The following FSTL4 variants were observed in gnomAD, a reference collection of about 807,000 sequenced individuals.
FSTL4 encodes the protein follistatin-related protein 4.
Under a neutral mutation model 78.2 loss-of-function variants are expected in FSTL4, and 28 were observed. The ratio of observed to expected loss-of-function variants is 0.36; its 90% CI spans 0.27 to 0.49. The LOEUF (loss-of-function observed/expected upper bound fraction) is 0.49, where lower values mean the gene tolerates loss of function less well. Among genes scored for constraint, FSTL4 ranks in the 20% least tolerant of loss-of-function variants. The probability of loss-of-function intolerance (pLI) is 0.98; values close to 1 mark genes in which losing one functional copy is unlikely to be tolerated. For synonymous variants in FSTL4, 422 were observed against 440.5 expected, an observed-to-expected ratio of 0.96 and a Z score of 0.53; for missense variants, 922 against 1,084.9, an observed-to-expected ratio of 0.85 and a Z score of 2.11.
chr5:133,491,246 T>A (rs947853699), intron 3 of FSTL4, among the ~76,000 whole-genome samples: 2 of 152,222 alleles, frequency 1.3e-5, no homozygotes, highest in Admixed American at 1.3e-4. Flanking sequence ...AGGCTTTGCA[T>A]TATGTCTGTT....
At chr5:133,624,556 T>A in the FSTL4 span, among the ~76,000 whole-genome samples, 1 of 151,822 alleles carries the variant, frequency 6.6e-6, no homozygotes, top group African/African-American at 2.4e-5. Flanking sequence ...GTCACTGATT[T>A]GTTCATTTTA....
At position 133,535,833 on chromosome 5, in the gene FSTL4, G is replaced by A. The variant is rs115750094; in HGVS notation, c.160+31353C>T. On this transcript the variant is annotated intron_variant, in intron 3 of 15. Transcript: ENST00000265342. ...ATAGAAATTGGGTTAGAAATTATGG[G>A]ATTTTCTTTGGTGGACTGAAGGAAG... Among the ~76,000 whole-genome samples the A allele has an allele frequency of 2.0e-3, 308 of 152,284 alleles. 1 individual carries two copies. The highest frequency in any genetic ancestry group is 0.01 in the Middle Eastern group (3 of 294).
chr5:133,634,144 C>A, the FSTL4 span, among the ~76,000 whole-genome samples: 7 of 152,236 alleles, frequency 4.6e-5, no homozygotes, highest in Non-Finnish European at 7.4e-5. Flanking sequence ...GGGTCAAAAC[C>A]AAACTCCCTA....
At chr5:133,290,666 G>C (rs1487862436) in intron 6 of FSTL4, among the ~76,000 whole-genome samples, 1 of 152,224 alleles carries the variant, frequency 6.6e-6, no homozygotes, top group African/African-American at 2.4e-5. Flanking sequence ...CCACAGCAGA[G>C]GGTGGCATGT....
At chr5:133,458,141 T>C (rs1038000301) in intron 3 of FSTL4, 7 of 152,186 alleles carry the variant, frequency 4.6e-5, no homozygotes, top group Non-Finnish European at 1.0e-4. Context: ...AAATGTATTT[T>C]AAGATCAAAA....
rs186759779 is a variant in FSTL4 at position 133,241,421 on chromosome 5, A to G, written c.895-7884T>C. 1.8e-3 allele frequency among the ~76,000 whole-genome samples: 274 copies of G among 152,322 alleles called. 1 individual carries two copies. Among genetic ancestry groups the G allele is most frequent in the Non-Finnish European group, 2.8e-3 (191 of 68,032 alleles). On this transcript the variant is annotated intron_variant, in intron 7 of 15. Transcript: ENST00000265342. ...TGGTATGCGTGTTGAAATTGCGTAT[A>G]GGGACAAACCTGATTATCTGGGTAT...
chr5:133,738,992 T>C, the FSTL4 span, among the ~76,000 whole-genome samples: 1 of 152,248 alleles, frequency 6.6e-6, no homozygotes. Flanking sequence ...TGGGCCTTAC[T>C]AGGCTGGGGT....
At chr5:133,364,278 G>A (rs1561687527) in intron 4 of FSTL4, among the ~76,000 whole-genome samples, 1 of 152,086 alleles carries the variant, frequency 6.6e-6, no homozygotes, top group Middle Eastern at 3.4e-3. Flanking sequence ...ACTAAAGCCC[G>A]GTTCTGTTGG....
chr5:133,208,847 T>C (rs915300891), intron 14 of FSTL4, among the ~76,000 whole-genome samples: 1 of 152,166 alleles, frequency 6.6e-6, no homozygotes. Flanking sequence ...AGTTTGGTAT[T>C]TTTAGTAGAG....
chr5:133,434,472 T>C (rs1253528659), intron 3 of FSTL4, among the ~76,000 whole-genome samples: 1 of 152,146 alleles, frequency 6.6e-6, no homozygotes, highest in Admixed American at 6.5e-5. Flanking sequence ...CTGAATAATA[T>C]CTCATCATAT....
At chr5:133,273,671 C>G (rs1040758606) in intron 6 of FSTL4, among the ~76,000 whole-genome samples, 3 of 152,182 alleles carry the variant, frequency 2.0e-5, no homozygotes, top group African/African-American at 7.2e-5. Context: ...AGGCCCCAGG[C>G]TGGTGGAAAG....
At chr5:133,522,457 A>G (rs981313135) in intron 3 of FSTL4, among the ~76,000 whole-genome samples, 9 of 152,322 alleles carry the variant, frequency 5.9e-5, no homozygotes, top group Non-Finnish European at 1.2e-4. Flanking sequence ...ACCTTTTCTC[A>G]TAGCATTATT....
intron 14 of FSTL4, among the ~76,000 whole-genome samples, chr5:133,209,304 C>T (rs966486345): frequency 6.6e-6 from 1 of 152,046 alleles, no homozygotes; most frequent in African/African-American, 2.4e-5. Flanking sequence ...TTCTCCAGAC[C>T]CTGGTCTTTC....
At chr5:133,576,781 T>C (rs1760291531) in intron 2 of FSTL4, among the ~76,000 whole-genome samples, 2 of 152,210 alleles carry the variant, frequency 1.3e-5, no homozygotes, top group South Asian at 4.1e-4. Context: ...AGCTTTGCCA[T>C]GGGATTCATC....
chr5:133,676,920 A>G, the FSTL4 span, among the ~76,000 whole-genome samples: 1 of 152,206 alleles, frequency 6.6e-6, no homozygotes, highest in Non-Finnish European at 1.5e-5. Context: ...TTCCACCACG[A>G]GGGTTTTAAT....
the FSTL4 span, among the ~76,000 whole-genome samples, chr5:133,807,220 T>C: frequency 6.6e-6 from 1 of 152,222 alleles, no homozygotes; most frequent in African/African-American, 2.4e-5. Context: ...CCAGGGCTAA[T>C]ATTTACTTAC....
the FSTL4 span, among the ~76,000 whole-genome samples, chr5:133,819,286 G>C: frequency 6.6e-6 from 1 of 152,054 alleles, no homozygotes; most frequent in Admixed American, 6.6e-5. Context: ...CAGCTTTTGG[G>C]TGCAGGGCCC....
the FSTL4 span, among the ~76,000 whole-genome samples, chr5:133,692,312 A>G: frequency 6.6e-6 from 1 of 152,148 alleles, no homozygotes; most frequent in East Asian, 1.9e-4. Context: ...GGCCACAAGG[A>G]TCTTGGAGGA....
chr5:133,234,508 C>G (rs1049176426), intron 7 of FSTL4, among the ~76,000 whole-genome samples: 4 of 152,200 alleles, frequency 2.6e-5, no homozygotes, highest in African/African-American at 9.7e-5. Context: ...CAATGCTGGC[C>G]CTTCCAGGCA....
Sources: gnomAD v4.1 joint callset for allele counts (sites outside exome capture counted in the v4.1 genomes callset) on GRCh38, gnomAD v4.1.1 for gene constraint, MANE v1.5 for transcripts, NCBI Gene and HGNC (gene_info 2026-07-23, HGNC 2026-07-21) for gene names.